The following ZSWIM5 variants were observed in gnomAD, a reference collection of about 807,000 sequenced individuals.
The protein encoded by ZSWIM5 is zinc finger SWIM-type containing 5, also known as zinc finger SWIM domain-containing protein 5.
In ZSWIM5, 55 loss-of-function variants were observed where a neutral mutation model predicts 119.6. The observed-to-expected ratio is 0.46, with a 90% CI of 0.37 to 0.58. ZSWIM5 has a LOEUF of 0.58. Among genes scored for constraint, ZSWIM5 ranks in the 20% least tolerant of loss-of-function variants. ZSWIM5 has a pLI of 0.00. For synonymous variants in ZSWIM5, 537 were observed against 606.9 expected (o/e 0.88, Z 1.69); for missense variants, 1,193 against 1,512.8 (o/e 0.79, Z 3.51).
intron 1 of ZSWIM5, among the ~76,000 whole-genome samples, chr1:45,133,956 T>C (rs1645674363): frequency 6.6e-6 from 1 of 152,180 alleles, no homozygotes; most frequent in African/African-American, 2.4e-5. Flanking sequence ...CTCTGTTCTG[T>C]TCCATGGGTC....
chr1:45,037,201 C>G (rs1238091167), intron 8 of ZSWIM5, among the ~76,000 whole-genome samples: 1 of 151,226 alleles, frequency 6.6e-6, no homozygotes, highest in East Asian at 1.9e-4. Flanking sequence ...ACCTCCGCCT[C>G]CTGGGTTCAA....
At chr1:45,123,824 G>A (rs1363784162) in intron 1 of ZSWIM5, among the ~76,000 whole-genome samples, 1 of 152,052 alleles carries the variant, frequency 6.6e-6, no homozygotes, top group Non-Finnish European at 1.5e-5. Flanking sequence ...TTAAACTTCT[G>A]AAAACTAAAG....
At chr1:45,103,648 G>T (rs1645453239) in intron 1 of ZSWIM5, among the ~76,000 whole-genome samples, 1 of 152,180 alleles carries the variant, frequency 6.6e-6, no homozygotes, top group South Asian at 2.1e-4. Context: ...CTGTTTTCCT[G>T]GGCAAATGTT....
intron 1 of ZSWIM5, among the ~76,000 whole-genome samples, chr1:45,106,629 G>T (rs969650799): frequency 3.3e-5 from 5 of 151,632 alleles, no homozygotes; most frequent in Non-Finnish European, 1.5e-5. Flanking sequence ...GAAGTGAGGC[G>T]CGCCTCTGCC....
intron 1 of ZSWIM5, among the ~76,000 whole-genome samples, chr1:45,116,843 C>T (rs1326000216): frequency 1.3e-5 from 2 of 152,122 alleles, no homozygotes; most frequent in Admixed American, 1.3e-4. Context: ...ATTCAGGACA[C>T]TATGTTACAT....
Position 45,020,695 on chromosome 1 carries a change from T to C in ZSWIM5, c.2543A>G (p.Lys848Arg), listed in dbSNP as rs1310089642. 5.0e-6 allele frequency: 8 copies of C among 1,614,058 alleles called. No homozygotes were observed. The highest frequency in any genetic ancestry group is 5.9e-6 in the Non-Finnish European group (7 of 1,180,038). Residue 848 changes from lysine to arginine, a missense_variant, in exon 12 of 14, where the codon AAG becomes AGG. Lys to Arg is a conservative substitution (Grantham distance 26, BLOSUM62 2). Coordinates refer to ENST00000359600, the MANE Select transcript of ZSWIM5 (RefSeq NM_020883.2). ...LIFKLAQDAF[K>R]IATPTDSSTD... ...ACTACTGTCGGTGGGAGTAGCAATCTTGAATGCATCTTGGGCCAGTTTGAA... is the reference window on the plus strand; with the variant it reads ...ACTACTGTCGGTGGGAGTAGCAATCCTGAATGCATCTTGGGCCAGTTTGAA...
intron 1 of ZSWIM5, among the ~76,000 whole-genome samples, chr1:45,196,384 C>CTTTTTTTTTTTTTTTTTTT (rs767673983): frequency 1.3e-5 from 1 of 76,358 alleles, no homozygotes; most frequent in Non-Finnish European, 2.5e-5. Flanking sequence ...CCCACAATTC[C>CTTTTTTTTTTTTTTTTTTT]TTTTTTTTTT....
rs17397799 is a variant in ZSWIM5, at chr1:45,057,900, T to A, written c.1252+709A>T. Among the ~76,000 whole-genome samples the A allele has an allele frequency of 0.071, 10,757 of 152,192 alleles. 463 individuals are homozygous for A. The highest frequency in any genetic ancestry group is 0.1 in the Non-Finnish European group (6,821 of 68,008). ...TGGACACTACATTGCATTTTAAAGG[T>A]TGAGAAATCAAATAAAGTTGGTCAC... is the stretch of plus-strand genomic sequence containing the variant. On this transcript the variant is annotated intron_variant, in intron 4 of 13. Transcript: ENST00000359600. This position sits in a 1 kb window ranked among gnomAD's most constrained non-coding sequence, Gnocchi z 4.7.
intron 1 of ZSWIM5, among the ~76,000 whole-genome samples, chr1:45,179,506 G>C (rs1389765974): frequency 2.0e-5 from 3 of 152,086 alleles, no homozygotes; most frequent in African/African-American, 7.2e-5. Context: ...CTCACTACCT[G>C]GGTAACAGAT....
chr1:45,195,508 C>T (rs1226410210), intron 1 of ZSWIM5, among the ~76,000 whole-genome samples: 1 of 151,898 alleles, frequency 6.6e-6, no homozygotes, highest in East Asian at 1.9e-4. Flanking sequence ...GCTGGGATTA[C>T]AAGCGTAAGC....
chr1:45,202,039 A>T (rs943842281), intron 1 of ZSWIM5, among the ~76,000 whole-genome samples: 1 of 152,128 alleles, frequency 6.6e-6, no homozygotes, highest in African/African-American at 2.4e-5. Context: ...GATCAGAAAA[A>T]AAAAAGATAA....
At chr1:45,169,871 A>C (rs1165484149) in intron 1 of ZSWIM5, among the ~76,000 whole-genome samples, 1 of 152,142 alleles carries the variant, frequency 6.6e-6, no homozygotes, top group Admixed American at 6.6e-5. Context: ...AAAGTATTAA[A>C]ACCTATATTA....
chr1:45,027,559 G>A (rs1644928096), intron 11 of ZSWIM5, among the ~76,000 whole-genome samples: 1 of 151,956 alleles, frequency 6.6e-6, no homozygotes, highest in African/African-American at 2.4e-5. Context: ...ACCATGCCAA[G>A]CTAATTTTTG....
intron 1 of ZSWIM5, among the ~76,000 whole-genome samples, chr1:45,184,021 C>A (rs1174583505): frequency 6.6e-6 from 1 of 151,934 alleles, no homozygotes; most frequent in East Asian, 1.9e-4. Flanking sequence ...CAAACCGAAT[C>A]CAGCAGCACA....
intron 1 of ZSWIM5, among the ~76,000 whole-genome samples, chr1:45,131,724 CAA>C (rs11336099): frequency 0.019 from 1,419 of 74,182 alleles, 7 homozygotes; most frequent in African/African-American, 0.051. Flanking sequence ...GACTCTGTCT[CAA>C]AAAAAAAAAA....
intron 1 of ZSWIM5, among the ~76,000 whole-genome samples, chr1:45,118,488 T>C (rs1370874681): frequency 1.3e-5 from 2 of 152,124 alleles, no homozygotes; most frequent in African/African-American, 2.4e-5. Context: ...AGGCCTATAA[T>C]CCCAGTACTT....
At chr1:45,203,928 T>A (rs937382340) in intron 1 of ZSWIM5, among the ~76,000 whole-genome samples, 1 of 152,120 alleles carries the variant, frequency 6.6e-6, no homozygotes, top group East Asian at 1.9e-4. Flanking sequence ...TTTGTTTATA[T>A]GTGTCTTTTC....
chr1:45,047,005 C>T (rs1454447317), intron 5 of ZSWIM5, among the ~76,000 whole-genome samples: 3 of 105,874 alleles, frequency 2.8e-5, no homozygotes, highest in Non-Finnish European at 5.2e-5. Context: ...GCCTGGGCAA[C>T]GAACTCTGTC....
intron 1 of ZSWIM5, among the ~76,000 whole-genome samples, chr1:45,099,443 G>A (rs1220439639): frequency 6.6e-6 from 1 of 152,166 alleles, no homozygotes; most frequent in Admixed American, 6.5e-5. Flanking sequence ...GGACCAGATG[G>A]ATTCACAGCC....
Sources: gnomAD v4.1 joint callset for allele counts (sites outside exome capture counted in the v4.1 genomes callset) on GRCh38, gnomAD v4.1.1 for gene constraint, Gnocchi (gnomAD v3.1) non-coding constraint, MANE v1.5 for transcripts, NCBI Gene and HGNC (gene_info 2026-07-23, HGNC 2026-07-21) for gene names.